Variants in DLGAP2 observed in about 807,000 individuals in gnomAD.
DLGAP2 encodes DLG associated protein 2.
A neutral mutation model predicts 100.3 loss-of-function variants in DLGAP2; 26 were observed. The ratio of observed to expected loss-of-function variants is 0.26; its 90% CI spans 0.19 to 0.36. DLGAP2 has a LOEUF of 0.36. Among genes scored for constraint, DLGAP2 ranks in the 10% least tolerant of loss-of-function variants. DLGAP2 has a pLI of 1.00. For missense variants in DLGAP2, 1,858 were observed against 1,453.2 expected, an observed-to-expected ratio of 1.28 and a Z score of -4.53; for synonymous variants, 886 against 630.1, an observed-to-expected ratio of 1.41 and a Z score of -6.08.
At chr8:1,570,738 C>G (rs1802621763) in intron 6 of DLGAP2, among the ~76,000 whole-genome samples, 1 of 139,490 alleles carries the variant, frequency 7.2e-6, no homozygotes, top group Admixed American at 7.1e-5. Context: ...GGAGGGACAT[C>G]TTCTGGGATG....
intron 1 of DLGAP2, among the ~76,000 whole-genome samples, chr8:904,702 G>A (rs1296675800): frequency 6.6e-6 from 1 of 152,136 alleles, no homozygotes; most frequent in African/African-American, 2.4e-5. Flanking sequence ...CAGCTGGCTG[G>A]GTGTGGACAG....
At chr8:1,448,766 C>A (rs1798053977) in intron 3 of DLGAP2, among the ~76,000 whole-genome samples, 2 of 152,066 alleles carry the variant, frequency 1.3e-5, no homozygotes, top group Admixed American at 1.3e-4. Flanking sequence ...TTCTGCATTC[C>A]CGTTCCCCTC....
chr8:1,287,558 T>C lies in DLGAP2; in HGVS notation c.106+28675T>C, dbSNP rs1275098941. Reference sequence around the variant, plus strand: ...GTGTGTGTGTGTATGTGTGTGTGGTTCTGTTCGGAGGGGAACTAGTTTTGG... The same window carrying C: ...GTGTGTGTGTGTATGTGTGTGTGGTCCTGTTCGGAGGGGAACTAGTTTTGG... On this transcript the variant is annotated intron_variant, in intron 3 of 14. Coordinates refer to ENST00000637795, the MANE Select transcript of DLGAP2 (RefSeq NM_001346810.2). Among the ~76,000 whole-genome samples, 4 of 130,670 alleles carry C rather than the reference T, an allele frequency of 3.1e-5. 1 individual carries two copies. The highest frequency in any genetic ancestry group is 6.3e-5 in the Non-Finnish European group (4 of 63,908). The allele number at this position is 130,670 out of a possible 152,430, so 85.7% of individuals were successfully genotyped here.
At chr8:1,520,547 C>T (rs1166034641) in intron 4 of DLGAP2, among the ~76,000 whole-genome samples, 1 of 152,166 alleles carries the variant, frequency 6.6e-6, no homozygotes, top group African/African-American at 2.4e-5. Context: ...TCACACAGAG[C>T]AGTTTCCTTG....
intron 6 of DLGAP2, among the ~76,000 whole-genome samples, chr8:1,594,614 G>C (rs945127663): frequency 1.3e-5 from 2 of 152,102 alleles, no homozygotes; most frequent in African/African-American, 4.8e-5. Flanking sequence ...CAAACAGATG[G>C]GGTTTCACCA....
At chr8:940,128 C>G (rs1022014570) in intron 2 of DLGAP2, among the ~76,000 whole-genome samples, 6 of 151,986 alleles carry the variant, frequency 3.9e-5, no homozygotes, top group African/African-American at 1.5e-4. Context: ...GGGCGTGGGG[C>G]GTGGGGCCTG....
intron 2 of DLGAP2, among the ~76,000 whole-genome samples, chr8:922,324 C>T (rs757045976): frequency 1.3e-5 from 2 of 152,132 alleles, no homozygotes; most frequent in South Asian, 4.1e-4. Context: ...AAAGGGACAG[C>T]GGACCCCTCC....
At chr8:916,375 T>A (rs1376575430) in intron 2 of DLGAP2, among the ~76,000 whole-genome samples, 1 of 152,216 alleles carries the variant, frequency 6.6e-6, no homozygotes, top group Non-Finnish European at 1.5e-5. Flanking sequence ...TTGTCCTTTT[T>A]AGGGACGTGG....
At chr8:1,544,077 A>AT (rs911490076) in intron 4 of DLGAP2, among the ~76,000 whole-genome samples, 9 of 150,262 alleles carry the variant, frequency 6.0e-5, no homozygotes, top group Non-Finnish European at 8.9e-5. Flanking sequence ...TAATTTTTGT[A>AT]TTTTTTTTTA....
intron 2 of DLGAP2, among the ~76,000 whole-genome samples, chr8:1,000,869 G>C (rs1054476642): frequency 1.3e-5 from 2 of 152,106 alleles, no homozygotes; most frequent in African/African-American, 4.8e-5. Flanking sequence ...GGGGAGAGGA[G>C]AGGGAGACCT....
At chr8:1,211,278 G>A (rs1291387506) in intron 2 of DLGAP2, among the ~76,000 whole-genome samples, 1 of 152,170 alleles carries the variant, frequency 6.6e-6, no homozygotes, top group Admixed American at 6.5e-5. Flanking sequence ...GGTGGCCGTG[G>A]GGACGTTGTT....
chr8:1,100,706 T>C (rs1804550381), intron 2 of DLGAP2, among the ~76,000 whole-genome samples: 1 of 152,224 alleles, frequency 6.6e-6, no homozygotes. Flanking sequence ...GCCTGTTGCA[T>C]TTCAGCTCCT....
At chr8:1,328,755 A>G (rs1240594256) in intron 3 of DLGAP2, among the ~76,000 whole-genome samples, 2 of 152,244 alleles carry the variant, frequency 1.3e-5, no homozygotes, top group Admixed American at 1.3e-4. Flanking sequence ...TAAGCTTCCC[A>G]TAATAACGGG....
chr8:1,636,896 A>G (rs1797779303), intron 8 of DLGAP2, among the ~76,000 whole-genome samples: 2 of 152,266 alleles, frequency 1.3e-5, no homozygotes, highest in African/African-American at 2.4e-5. Context: ...GTTTTGGCCA[A>G]TAGAGTAAAG....
intron 2 of DLGAP2, among the ~76,000 whole-genome samples, chr8:1,062,723 A>G (rs1239606784): frequency 1.3e-5 from 2 of 152,060 alleles, no homozygotes; most frequent in Non-Finnish European, 2.9e-5. Context: ...TTGTGATAGC[A>G]GCTGGGGGTA....
intron 1 of DLGAP2, among the ~76,000 whole-genome samples, chr8:779,115 C>A (rs201661731): frequency 1.3e-5 from 2 of 152,240 alleles, no homozygotes; most frequent in Admixed American, 6.5e-5. Context: ...AGGTGCCGTC[C>A]GTCACCCCTT....
chr8:1,600,460 A>G (rs1796590299), intron 6 of DLGAP2, among the ~76,000 whole-genome samples: 2 of 152,166 alleles, frequency 1.3e-5, no homozygotes, highest in Non-Finnish European at 2.9e-5. Flanking sequence ...TATATCCTGA[A>G]GAGTGTTTTC....
At chr8:1,075,256 C>A (rs992196016) in intron 2 of DLGAP2, among the ~76,000 whole-genome samples, 1 of 152,160 alleles carries the variant, frequency 6.6e-6, no homozygotes, top group Non-Finnish European at 1.5e-5. Flanking sequence ...AGTTAGGACC[C>A]TCTTGTTGAG....
intron 3 of DLGAP2, among the ~76,000 whole-genome samples, chr8:1,306,087 AAAAAAG>A (rs1299697383): frequency 1.9e-4 from 29 of 150,826 alleles, no homozygotes; most frequent in African/African-American, 5.4e-4. Flanking sequence ...AAAAAAAAAA[AAAAAAG>A]AGAGAGGGAG....
Sources: gnomAD v4.1 joint callset for allele counts (sites outside exome capture counted in the v4.1 genomes callset) on GRCh38, gnomAD v4.1.1 for gene constraint, MANE v1.5 for transcripts, NCBI Gene and HGNC (gene_info 2026-07-23, HGNC 2026-07-21) for gene names.